Variants in SPAG16 observed in about 807,000 individuals in gnomAD.
SPAG16 encodes the protein sperm associated antigen 16, also known as sperm-associated antigen 16 protein.
A neutral mutation model predicts 80.4 loss-of-function variants in SPAG16; 86 were observed. That is an observed-to-expected ratio of 1.07 (90% CI 0.90 to 1.28). SPAG16 has a LOEUF of 1.28. Among genes scored for constraint, SPAG16 ranks in the 50% most tolerant of loss-of-function variants. The pLI is 0.00. For missense variants in SPAG16, 870 were observed against 765.3 expected (o/e 1.14, Z -1.61); for synonymous variants, 294 against 265.9 (o/e 1.11, Z -1.03).
At chr2:213,971,163 C>T (rs1180891741) in intron 12 of SPAG16, among the ~76,000 whole-genome samples, 3 of 152,070 alleles carry the variant, frequency 2.0e-5, no homozygotes, top group African/African-American at 7.2e-5. Flanking sequence ...TAATACATTT[C>T]AAAAGATATT....
At chr2:213,884,173 C>G (rs1020833780) in intron 11 of SPAG16, among the ~76,000 whole-genome samples, 14 of 152,246 alleles carry the variant, frequency 9.2e-5, no homozygotes, top group Non-Finnish European at 1.2e-4. Flanking sequence ...TTTAGCTTTC[C>G]CTTAAGAACC....
intron 12 of SPAG16, among the ~76,000 whole-genome samples, chr2:213,999,094 C>T (rs2046664684): frequency 6.6e-6 from 1 of 152,162 alleles, no homozygotes; most frequent in South Asian, 2.1e-4. Context: ...CAGAAATTTG[C>T]ATAAGTAACA....
intron 10 of SPAG16, among the ~76,000 whole-genome samples, chr2:213,829,007 C>T (rs2073464119): frequency 6.6e-6 from 1 of 152,166 alleles, no homozygotes; most frequent in Admixed American, 6.5e-5. Context: ...CTGGTTCTCA[C>T]CCAAGGCCCA....
chr2:214,218,141 G>T (rs1057209505), intron 15 of SPAG16, among the ~76,000 whole-genome samples: 1 of 152,168 alleles, frequency 6.6e-6, no homozygotes, highest in Non-Finnish European at 1.5e-5. Context: ...ATGCTTTAAT[G>T]TGTCGCATGA....
intron 13 of SPAG16, among the ~76,000 whole-genome samples, chr2:214,044,648 T>C (rs2125107030): frequency 6.6e-6 from 1 of 152,266 alleles, no homozygotes; most frequent in Middle Eastern, 3.4e-3. Context: ...GAAAAGACAG[T>C]CTTGAATTGC....
At position 213,458,528 on chromosome 2, in the gene SPAG16, C is replaced by T. The variant is rs993674354; in HGVS notation, c.943-31435C>T. ...CGGACGTGGCAGTGAGCTGAGATCG[C>T]GCCGCTGCACTCCAGCGTGGGCAAC... On this transcript the variant is annotated intron_variant, in intron 9 of 15. Transcript: ENST00000331683. 1.6e-4 allele frequency among the ~76,000 whole-genome samples: 24 copies of T among 152,098 alleles called. 1 individual carries two copies. The highest frequency in any genetic ancestry group is 2.5e-4 in the Non-Finnish European group (17 of 68,018).
chr2:213,890,213 G>A (rs187072759), intron 11 of SPAG16, among the ~76,000 whole-genome samples: 1 of 152,004 alleles, frequency 6.6e-6, no homozygotes, highest in South Asian at 2.1e-4. Flanking sequence ...GACTTTAGTG[G>A]CATTGGTAAA....
chr2:213,623,780 T>C (rs1167562809), intron 10 of SPAG16, among the ~76,000 whole-genome samples: 1 of 152,084 alleles, frequency 6.6e-6, no homozygotes. Context: ...GTGTTAATTA[T>C]AATCCAAGAC....
intron 11 of SPAG16, among the ~76,000 whole-genome samples, chr2:213,902,586 G>T (rs567581595): frequency 7.9e-5 from 12 of 152,304 alleles, no homozygotes; most frequent in African/African-American, 2.9e-4. Flanking sequence ...CCTAGAACAT[G>T]TGGGAATTAT....
chr2:213,491,077 C>A (rs1001669659), intron 10 of SPAG16, among the ~76,000 whole-genome samples: 1 of 151,982 alleles, frequency 6.6e-6, no homozygotes, highest in South Asian at 2.1e-4. Flanking sequence ...TGGTATATGT[C>A]GTGAGAACAT....
intron 13 of SPAG16, among the ~76,000 whole-genome samples, chr2:214,107,766 A>C (rs1488362028): frequency 6.6e-6 from 1 of 152,168 alleles, no homozygotes; most frequent in Non-Finnish European, 1.5e-5. Flanking sequence ...CAGGAGCTAA[A>C]ATGTGATTCT....
chr2:213,793,534 GTTTC>G (rs1199374025), intron 10 of SPAG16, among the ~76,000 whole-genome samples: 1 of 152,138 alleles, frequency 6.6e-6, no homozygotes, highest in Non-Finnish European at 1.5e-5. Context: ...CTACCAGTTT[GTTTC>G]TATGTGACAA....
Position 213,299,513 on chromosome 2 carries a change from C to T in SPAG16, c.279+2156C>T, listed in dbSNP as rs148039876. Among the ~76,000 whole-genome samples the T allele has an allele frequency of 8.7e-3, 1,323 of 151,668 alleles. 17 individuals carry two copies. The highest frequency in any genetic ancestry group is 0.03 in the African/African-American group (1,225 of 41,338). On this transcript the variant is annotated intron_variant, in intron 3 of 15. Coordinates refer to ENST00000331683, the MANE Select transcript of SPAG16 (RefSeq NM_024532.5). ...CAGGTTGGTCTCGATCTCCTGACCT[C>T]GTGATCCACCTGCCTCAGCCTCCCA...
intron 15 of SPAG16, among the ~76,000 whole-genome samples, chr2:214,405,558 G>T (rs1215864300): frequency 1.3e-5 from 2 of 152,166 alleles, no homozygotes; most frequent in East Asian, 3.9e-4. Flanking sequence ...CACTTTGGGA[G>T]GCCAAGATGA....
intron 10 of SPAG16, among the ~76,000 whole-genome samples, chr2:213,524,069 A>T (rs570648414): frequency 6.6e-6 from 1 of 152,238 alleles, no homozygotes; most frequent in African/African-American, 2.4e-5. Context: ...AGGATGAAAA[A>T]ATTGTTTTGT....
chr2:213,408,345 C>A (rs2068780819), intron 9 of SPAG16, among the ~76,000 whole-genome samples: 1 of 152,182 alleles, frequency 6.6e-6, no homozygotes, highest in African/African-American at 2.4e-5. Context: ...CAAATGCATT[C>A]AATCTGTAGC....
rs34792958 is a variant in SPAG16, at chr2:214,080,607, CA to C, written c.1528-27574del. On this transcript the variant is annotated intron_variant, in intron 13 of 15. Transcript: ENST00000331683. ...TGGGCGACAGAGCGAGACTCTGTCT[CA>C]AAAAAAAAAAAAAATTAAAATAAAA... is the stretch of plus-strand genomic sequence containing the variant. Among the ~76,000 whole-genome samples, 497 of 77,522 alleles carry C rather than the reference CA, an allele frequency of 6.4e-3. 1 individual carries two copies. The highest frequency in any genetic ancestry group is 0.02 in the African/African-American group (361 of 18,108). The allele number at this position is 77,522 out of a possible 152,430, so 50.9% of individuals were successfully genotyped here.
chr2:214,096,002 T>C (rs2052562541), intron 13 of SPAG16, among the ~76,000 whole-genome samples: 1 of 151,932 alleles, frequency 6.6e-6, no homozygotes, highest in Non-Finnish European at 1.5e-5. Flanking sequence ...TTTTCTGAAT[T>C]TGGGAAAATT....
intron 10 of SPAG16, among the ~76,000 whole-genome samples, chr2:213,835,930 A>C (rs1040883563): frequency 6.6e-6 from 1 of 152,210 alleles, no homozygotes; most frequent in African/African-American, 2.4e-5. Context: ...TCTGTGGTTT[A>C]AATAAAGGAA....
Sources: allele counts gnomAD v4.1 joint callset (sites outside exome capture counted in the v4.1 genomes callset), GRCh38; gene constraint gnomAD v4.1.1; transcripts MANE v1.5; gene names NCBI Gene and HGNC (gene_info 2026-07-23, HGNC 2026-07-21).